Variants in FMN2 observed in about 807,000 individuals in gnomAD.
FMN2 encodes formin 2.
Under a neutral mutation model 142.3 loss-of-function variants are expected in FMN2, and 51 were observed. The observed-to-expected ratio is 0.36, with a 90% CI of 0.29 to 0.45. The LOEUF is 0.45. FMN2 is among the 20% of genes least tolerant of loss of function. The pLI, the probability that FMN2 is intolerant of heterozygous loss-of-function variation, is 1.00. For missense variants in FMN2, 1,936 were observed against 2,122.8 expected (o/e 0.91, Z 1.73); for synonymous variants, 882 against 869.8 (o/e 1.01, Z -0.25).
At chr1:240,204,914 G>A (rs552387307) in intron 4 of FMN2, among the ~76,000 whole-genome samples, 11 of 152,274 alleles carry the variant, frequency 7.2e-5, no homozygotes, top group African/African-American at 2.4e-4. Context: ...TTGGATGTCT[G>A]TTCAGATTTA....
intron 15 of FMN2, among the ~76,000 whole-genome samples, chr1:240,434,033 C>G (rs552692708): frequency 2.2e-4 from 34 of 152,216 alleles, no homozygotes; most frequent in African/African-American, 7.5e-4. Flanking sequence ...TTTGTACTGT[C>G]TAATGTTTGT....
chr1:240,368,081 C>T (rs543855382), intron 14 of FMN2, among the ~76,000 whole-genome samples: 1 of 152,084 alleles, frequency 6.6e-6, no homozygotes, highest in East Asian at 1.9e-4. Flanking sequence ...TATACTATTC[C>T]ATTAGCCTAT....
chr1:240,281,753 C>A (rs1572151020), intron 7 of FMN2, among the ~76,000 whole-genome samples: 1 of 138,770 alleles, frequency 7.2e-6, no homozygotes, highest in African/African-American at 2.8e-5. Context: ...CAATATCACT[C>A]ATTTTTTGGT....
intron 14 of FMN2, among the ~76,000 whole-genome samples, chr1:240,378,740 C>T (rs530044911): frequency 5.3e-5 from 8 of 152,270 alleles, no homozygotes; most frequent in Middle Eastern, 3.4e-3. Context: ...TCTAATCTTA[C>T]GTGATTTCCA....
chr1:240,457,320 A>C (rs1005422808), intron 16 of FMN2, among the ~76,000 whole-genome samples: 37 of 152,254 alleles, frequency 2.4e-4, no homozygotes, highest in African/African-American at 8.7e-4. Context: ...TTTCCTCTCT[A>C]ATCGTTCCCC....
Position 240,136,136 on chromosome 1 carries a change from T to C in FMN2, c.1782+12791T>C, listed in dbSNP as rs575957746. 2.8e-4 allele frequency among the ~76,000 whole-genome samples: 42 copies of C among 152,308 alleles called. No individual in the cohort carries two copies. The East Asian group carries it at 5.2e-3, about 19-fold the overall frequency. On this transcript the variant is annotated intron_variant, in intron 2 of 17. Transcript: ENST00000319653. ...AAGCATAGTTGGAGATTATTATGTT[T>C]AAGCCTATTTTGAGATTATTTTATT...
At chr1:240,448,615 A>G (rs1348520250) in intron 16 of FMN2, among the ~76,000 whole-genome samples, 1 of 152,136 alleles carries the variant, frequency 6.6e-6, no homozygotes, top group African/African-American at 2.4e-5. Flanking sequence ...CAGGAGTTCA[A>G]GAACAACCTG....
At chr1:240,093,811 G>T in intron 1 of FMN2, 87 bp downstream of exon 1, 1 of 975,126 alleles carries the variant, frequency 1.0e-6, no homozygotes, top group Non-Finnish European at 1.3e-6. Flanking sequence ...CTGGGCTCTG[G>T]AAGGCGGTGA....
chr1:240,421,256 G>A (rs1674752097), intron 15 of FMN2, among the ~76,000 whole-genome samples: 1 of 152,106 alleles, frequency 6.6e-6, no homozygotes, highest in Admixed American at 6.5e-5. Flanking sequence ...TCTGAAAGGT[G>A]TGTACCTTTC....
intron 16 of FMN2, chr1:240,457,566 G>A (rs1305220799): frequency 2.6e-5 from 4 of 152,186 alleles, no homozygotes; most frequent in Non-Finnish European, 4.4e-5. Flanking sequence ...GAAAAACAGA[G>A]CAGGGCAAAG....
intron 8 of FMN2, among the ~76,000 whole-genome samples, chr1:240,318,822 G>T (rs1306264151): frequency 6.6e-6 from 1 of 152,140 alleles, no homozygotes; most frequent in Non-Finnish European, 1.5e-5. Context: ...AGTGGAGGTG[G>T]ATCTGAGACT....
chr1:240,273,528 T>C (rs539562424), intron 7 of FMN2, among the ~76,000 whole-genome samples: 1 of 152,276 alleles, frequency 6.6e-6, no homozygotes, highest in East Asian at 1.9e-4. Flanking sequence ...TTTTTTCCTG[T>C]GTGGTTCTTA....
chr1:240,344,089 G>A (rs945578446), intron 13 of FMN2, among the ~76,000 whole-genome samples: 11 of 152,216 alleles, frequency 7.2e-5, no homozygotes, highest in African/African-American at 2.4e-4. Flanking sequence ...CATTGAAATA[G>A]TCTATTCAGG....
At chr1:240,176,564 G>A (rs1664921310) in intron 2 of FMN2, among the ~76,000 whole-genome samples, 1 of 152,188 alleles carries the variant, frequency 6.6e-6, no homozygotes, top group Admixed American at 6.5e-5. Context: ...CTTTTTAAGT[G>A]TGGGGATGTT....
At chr1:240,114,683 G>T (rs1428530615) in intron 1 of FMN2, among the ~76,000 whole-genome samples, 4 of 140,472 alleles carry the variant, frequency 2.8e-5, no homozygotes, top group Non-Finnish European at 6.1e-5. Context: ...TTGAGACAGA[G>T]TCTCACACTC....
chr1:240,418,033 C>T (rs1027207959), intron 15 of FMN2, among the ~76,000 whole-genome samples: 12 of 152,076 alleles, frequency 7.9e-5, no homozygotes, highest in African/African-American at 2.9e-4. Context: ...TTTCTTTTCA[C>T]ATTTTCCTGG....
chr1:240,294,715 G>A, intron 7 of FMN2, 107 bp from the exon 8 acceptor site: 1 of 945,612 alleles, frequency 1.1e-6, no homozygotes, highest in East Asian at 2.5e-5. Flanking sequence ...TGAAGTTAAA[G>A]CCCCTGCTCC....
At chr1:240,290,406 T>C (rs1363086503) in intron 7 of FMN2, among the ~76,000 whole-genome samples, 2 of 152,208 alleles carry the variant, frequency 1.3e-5, no homozygotes, top group African/African-American at 4.8e-5. Flanking sequence ...CTTTTAACTA[T>C]TGAACGCAAA....
At chr1:240,421,392 A>G (rs2103142861) in intron 15 of FMN2, among the ~76,000 whole-genome samples, 1 of 152,318 alleles carries the variant, frequency 6.6e-6, no homozygotes, top group Non-Finnish European at 1.5e-5. Flanking sequence ...AACACGTTCA[A>G]ATTACCTAAT....
Sources: allele counts gnomAD v4.1 joint callset (sites outside exome capture counted in the v4.1 genomes callset), GRCh38; gene constraint gnomAD v4.1.1; transcripts MANE v1.5; gene names NCBI Gene and HGNC (gene_info 2026-07-23, HGNC 2026-07-21).